Variants in NEMP2 observed in about 807,000 individuals in gnomAD.
The protein encoded by NEMP2 is UPF0571 transmembrane protein.
NEMP2 carries 53 observed loss-of-function variants against 54.2 expected under a neutral mutation model. The ratio of observed to expected loss-of-function variants is 0.98; its 90% CI spans 0.78 to 1.23. NEMP2 has a LOEUF of 1.23. Among genes scored for constraint, NEMP2 ranks in the 50% most tolerant of loss-of-function variants. The pLI, the probability that NEMP2 is intolerant of heterozygous loss-of-function variation, is 0.00. For synonymous variants in NEMP2, 197 were observed against 190.3 expected (o/e 1.04, Z -0.29); for missense variants, 455 against 511.3 (o/e 0.89, Z 1.06).
the NEMP2 span, among the ~76,000 whole-genome samples, chr2:190,591,676 C>T: frequency 6.6e-6 from 1 of 152,138 alleles, no homozygotes; most frequent in African/African-American, 2.4e-5. The surrounding 1 kb of genome is among the most constrained non-coding windows in gnomAD (Gnocchi z 5.4). Flanking sequence ...CACACACATG[C>T]GATAGCTACT....
At chr2:190,582,675 A>G in the NEMP2 span, among the ~76,000 whole-genome samples, 1 of 152,176 alleles carries the variant, frequency 6.6e-6, no homozygotes, top group Non-Finnish European at 1.5e-5. This position sits in a 1 kb window ranked among gnomAD's most constrained non-coding sequence, Gnocchi z 4.6. Context: ...GTGCTTTTCT[A>G]CAGAGCATCA....
At chr2:190,476,774 A>G in the NEMP2 span, among the ~76,000 whole-genome samples, 26 of 152,270 alleles carry the variant, frequency 1.7e-4, 1 homozygote, top group South Asian at 5.4e-3. Flanking sequence ...TTGCAGCACT[A>G]TTCACAATAG....
rs1014644334 is a variant in NEMP2 at position 190,525,948 on chromosome 2, G to A, written c.98-570C>T. ...ATGTGGACTCCATCTTGAAAGCAGAGCATTGGAGGATTTTAGGTAAGTATC... is the reference window on the plus strand; with the variant it reads ...ATGTGGACTCCATCTTGAAAGCAGAACATTGGAGGATTTTAGGTAAGTATC... On this transcript the variant is annotated intron_variant, in intron 1 of 8. Transcript: ENST00000409150. The surrounding 1 kb of genome is among the most constrained non-coding windows in gnomAD (Gnocchi z 5.0). 6.6e-6 allele frequency among the ~76,000 whole-genome samples: 1 copy of A among 152,298 alleles called. No individual in the cohort carries two copies. Among genetic ancestry groups the A allele is most frequent in the East Asian group, 1.9e-4 (1 of 5,182 alleles).
At chr2:190,598,876 T>G in the NEMP2 span, among the ~76,000 whole-genome samples, 42,203 of 152,094 alleles carry the variant, frequency 0.28, 6,616 homozygotes, top group Admixed American at 0.45. Flanking sequence ...ATCTGAAGTT[T>G]AAGAGTACTC....
At chr2:190,545,600 A>G in the NEMP2 span, among the ~76,000 whole-genome samples, 1 of 152,238 alleles carries the variant, frequency 6.6e-6, no homozygotes, top group Admixed American at 6.5e-5. Context: ...GTTCTTGATC[A>G]TGCACTTCAG....
the NEMP2 span, among the ~76,000 whole-genome samples, chr2:190,586,968 G>A: frequency 3.9e-5 from 6 of 152,096 alleles, no homozygotes; most frequent in African/African-American, 1.4e-4. This position sits in a 1 kb window ranked among gnomAD's most constrained non-coding sequence, Gnocchi z 4.5. Flanking sequence ...CATCTCTTGT[G>A]GAAGGTTGAA....
At chr2:190,480,806 T>TA in the NEMP2 span, among the ~76,000 whole-genome samples, 1 of 152,216 alleles carries the variant, frequency 6.6e-6, no homozygotes, top group Admixed American at 6.5e-5. Flanking sequence ...GCAAAGTATT[T>TA]AGCACAGTAC....
At chr2:190,436,473 CATTGGATTTGTCAA>C in the NEMP2 span, 1 of 1,614,196 alleles carries the variant, frequency 6.2e-7, no homozygotes, top group South Asian at 1.1e-5. This position sits in a 1 kb window ranked among gnomAD's most constrained non-coding sequence, Gnocchi z 5.3. Context: ...TCAACCTGGG[CATTGGATTTGTCAA>C]ACCTGCTACC....
chr2:190,619,736 T>C, the NEMP2 span, among the ~76,000 whole-genome samples: 1 of 152,058 alleles, frequency 6.6e-6, no homozygotes. This position sits in a 1 kb window ranked among gnomAD's most constrained non-coding sequence, Gnocchi z 5.5. Context: ...GACAGGCTCA[T>C]GGGGCAGCCA....
chr2:190,569,358 G>T, the NEMP2 span, among the ~76,000 whole-genome samples: 1 of 151,640 alleles, frequency 6.6e-6, no homozygotes, highest in East Asian at 1.9e-4. Flanking sequence ...CTAAGCCATT[G>T]ATTTTATAGA....
the NEMP2 span, among the ~76,000 whole-genome samples, chr2:190,450,557 A>G: frequency 2.3e-5 from 3 of 131,556 alleles, no homozygotes; most frequent in East Asian, 2.3e-4. Context: ...CAGTGATGCA[A>G]TCTCAGCTCA....
the NEMP2 span, among the ~76,000 whole-genome samples, chr2:190,585,743 C>G: frequency 6.6e-6 from 1 of 152,280 alleles, no homozygotes; most frequent in East Asian, 1.9e-4. The surrounding 1 kb of genome is among the most constrained non-coding windows in gnomAD (Gnocchi z 5.3). Flanking sequence ...CCTATTGATC[C>G]TTCTCTGCCT....
At chr2:190,467,233 G>A in the NEMP2 span, among the ~76,000 whole-genome samples, 1 of 152,248 alleles carries the variant, frequency 6.6e-6, no homozygotes, top group Non-Finnish European at 1.5e-5. This position sits in a 1 kb window ranked among gnomAD's most constrained non-coding sequence, Gnocchi z 5.5. Flanking sequence ...AAATGCCTGG[G>A]TTTCAACCAT....
At chr2:190,608,050 C>T in the NEMP2 span, 1 of 152,142 alleles carries the variant, frequency 6.6e-6, no homozygotes, top group Admixed American at 6.5e-5. The surrounding 1 kb of genome is among the most constrained non-coding windows in gnomAD (Gnocchi z 4.9). Flanking sequence ...AATTGTGTGA[C>T]GTTCTCAGTA....
chr2:190,585,293 T>A, the NEMP2 span, among the ~76,000 whole-genome samples: 5 of 152,236 alleles, frequency 3.3e-5, no homozygotes, highest in Non-Finnish European at 7.3e-5. This position sits in a 1 kb window ranked among gnomAD's most constrained non-coding sequence, Gnocchi z 5.3. Flanking sequence ...TATAAAGTAA[T>A]GCCATCTTTT....
At chr2:190,445,335 A>G in the NEMP2 span, among the ~76,000 whole-genome samples, 1 of 152,110 alleles carries the variant, frequency 6.6e-6, no homozygotes, top group Non-Finnish European at 1.5e-5. Flanking sequence ...TGTTAGTTCC[A>G]TTTAACTCAT....
chr2:190,594,600 G>C, the NEMP2 span, among the ~76,000 whole-genome samples: 1 of 152,154 alleles, frequency 6.6e-6, no homozygotes, highest in Non-Finnish European at 1.5e-5. This position sits in a 1 kb window ranked among gnomAD's most constrained non-coding sequence, Gnocchi z 5.6. Context: ...TTTAGAGATA[G>C]TATCTTTCTC....
At chr2:190,445,803 G>A in the NEMP2 span, among the ~76,000 whole-genome samples, 5 of 76,466 alleles carry the variant, frequency 6.5e-5, no homozygotes, top group Admixed American at 2.1e-4. Context: ...GATTCATAAC[G>A]TGGTAATATG....
chr2:190,427,854 C>T, the NEMP2 span, among the ~76,000 whole-genome samples: 6 of 152,120 alleles, frequency 3.9e-5, no homozygotes, highest in African/African-American at 1.4e-4. Flanking sequence ...GTCTCAGCCT[C>T]CTGAGTAGCT....
Sources: allele counts gnomAD v4.1 joint callset (sites outside exome capture counted in the v4.1 genomes callset), GRCh38; gene constraint gnomAD v4.1.1; non-coding constraint Gnocchi (gnomAD v3.1); transcripts MANE v1.5; gene names NCBI Gene and HGNC (gene_info 2026-07-23, HGNC 2026-07-21).